Variants in MYH7 observed in about 807,000 individuals in gnomAD.
MYH7 encodes the protein myosin heavy chain 7, also known as myosin-7.
MYH7 carries 129 observed loss-of-function variants against 225.4 expected under a neutral mutation model. The ratio of observed to expected loss-of-function variants is 0.57; its 90% CI spans 0.50 to 0.66. The LOEUF is 0.66. Ranked by LOEUF, MYH7 falls within the 30% of genes least tolerant of loss-of-function variation. The pLI is 0.00. For missense variants in MYH7, 1,649 were observed against 2,517.0 expected (o/e 0.66, Z 7.38); for synonymous variants, 971 against 1,007.6 (o/e 0.96, Z 0.69).
In MYH7 at chr14:23,429,896, C is replaced by G. The variant is rs1892858173; in HGVS notation, c.1017G>C (p.Leu339=). ...LMATDNAFDV[L]GFTSEEKNSM... ...AGTTTTTCTCCTCTGAAGTGAAGCC[C>G]AGCACATCAAAAGCGTTCTGTAGGG... Residue 339 remains leucine (L), a synonymous_variant, in exon 12 of 40, where the codon CTG becomes CTC. Coordinates refer to ENST00000355349, the MANE Select transcript of MYH7 (RefSeq NM_000257.4). 1.2e-6 allele frequency: 2 copies of G among 1,613,878 alleles called. No homozygotes were observed. Among genetic ancestry groups the G allele is most frequent in the Non-Finnish European group, 1.7e-6 (2 of 1,180,010 alleles).
intron 8 of MYH7, 34 bp downstream of exon 8, chr14:23,431,551 C>A: frequency 6.2e-7 from 1 of 1,614,108 alleles, no homozygotes; most frequent in East Asian, 2.2e-5. Flanking sequence ...CTCCACCAGT[C>A]CAAGTCCCAA....
chr14:23,426,512 G>A lies in MYH7; in HGVS notation c.2044+265C>T, dbSNP rs116627288. Among the ~76,000 whole-genome samples, 928 of 152,348 alleles carry A rather than the reference G, an allele frequency of 6.1e-3. 6 individuals are homozygous for A. Among genetic ancestry groups the A allele is most frequent in the Middle Eastern group, 0.017 (5 of 294 alleles). On this transcript the variant is annotated intron_variant, in intron 18 of 39. Transcript: ENST00000355349. Reference sequence around the variant, plus strand: ...AAATTTAAAGTTGAACTAAGATTCTGTCTTGGACAACCAGCTATCCAAGGG... The same window carrying A: ...AAATTTAAAGTTGAACTAAGATTCTATCTTGGACAACCAGCTATCCAAGGG...
chr14:23,427,140 G>A, intron 17 of MYH7, 100 bp downstream of exon 17: 4 of 1,192,494 alleles, frequency 3.4e-6, no homozygotes, highest in Non-Finnish European at 5.0e-6. Context: ...AAGGAGACAG[G>A]GAACGGGAGG....
Position 23,425,561 on chromosome 14 carries a change from G to T in MYH7, c.2286+134C>A. 1 of 1,574,252 alleles carries T rather than the reference G, an allele frequency of 6.4e-7. No homozygotes were observed. Among genetic ancestry groups the T allele is most frequent in the Non-Finnish European group, 8.7e-7 (1 of 1,153,516 alleles). On this transcript the variant is annotated intron_variant, in intron 20 of 39. Transcript: ENST00000355349. This position sits in a 1 kb window ranked among gnomAD's most constrained non-coding sequence, Gnocchi z 4.6. ...CAGCTGGAGCTGGGATGAGGGGAGTGGTGCTAGATGTTCCACTGGGAGGGG... is the reference window on the plus strand; with the variant it reads ...CAGCTGGAGCTGGGATGAGGGGAGTTGTGCTAGATGTTCCACTGGGAGGGG...
Position 23,425,262 on chromosome 14 carries a change from C to T in MYH7, c.2423+20G>A, listed in dbSNP as rs1892647741. Reference sequence around the variant, plus strand: ...CCTGGGCCTCAGAGAAGCGGGAAACCTCCTCTTGAGATCTCTCACCTACGT... The same window carrying T: ...CCTGGGCCTCAGAGAAGCGGGAAACTTCCTCTTGAGATCTCTCACCTACGT... On this transcript the variant is annotated intron_variant, in intron 21 of 39. Transcript: ENST00000355349. This position sits in a 1 kb window ranked among gnomAD's most constrained non-coding sequence, Gnocchi z 4.6. 6 of 1,614,176 alleles carry T rather than the reference C, an allele frequency of 3.7e-6. No homozygotes were observed. Among genetic ancestry groups the T allele is most frequent in the Non-Finnish European group, 5.1e-6 (6 of 1,180,038 alleles).
intron 2 of MYH7, 79 bp downstream of exon 2, chr14:23,434,115 A>C: frequency 3.3e-6 from 3 of 902,306 alleles, no homozygotes; most frequent in Non-Finnish European, 4.2e-6. Flanking sequence ...GGCAGAAACT[A>C]GAGTTCCATA....
At position 23,430,902 on chromosome 14, in the gene MYH7, C is replaced by T. The variant is rs147062651; in HGVS notation, c.894G>A (p.Leu298=). The T allele has an allele frequency of 6.2e-6, 10 of 1,611,130 alleles. No homozygotes were observed. The African/African-American group carries it at 1.3e-4, about 22-fold the overall frequency. The part of the protein sequence containing the change: ...QILSNKKPEL[L]DMLLITNNPY... The stretch of plus-strand genomic sequence containing the variant: ...TCTCAGTCGGTGGCTCTGACTCACC[C>T]AGCAGCTCAGGCTTTTTGTTAGACA... The change falls in exon 10 of 40, where the codon CTG becomes CTA. Residue 298 remains leucine (L), a splice_region_variant and synonymous_variant. Coordinates refer to ENST00000355349, the MANE Select transcript of MYH7 (RefSeq NM_000257.4).
Position 23,427,872 on chromosome 14 carries a change from A to G in MYH7, c.1601T>C (p.Leu534Pro), listed in dbSNP as rs778623838. The change falls in exon 16 of 40, where the codon CTG (leucine) becomes CCG (proline). Residue 534 changes from leucine (L) to proline (P), a missense_variant. By Grantham distance (98) the Leu-to-Pro change is moderately conservative. Around this residue, in one of 12 missense-constraint regions of MYH7, gnomAD observed 76 missense variants for 233.8 expected, o/e 0.33. Transcript: ENST00000355349. ...CTTGGGGAACATGCACTCCTCTTCC[A>G]GGATGGACATGATGCCCATGGGCTG... ...IEKPMGIMSI[L>P]EEECMFPKAT... is the part of the protein sequence containing the mutation. 1.2e-6 allele frequency: 2 copies of G among 1,614,166 alleles called. No homozygotes were observed. Among genetic ancestry groups the G allele is most frequent in the South Asian group, 2.2e-5 (2 of 91,080 alleles).
intron 30 of MYH7, 162 bp from the exon 31 acceptor site, chr14:23,417,848 TC>T: frequency 9.2e-7 from 1 of 1,082,888 alleles, no homozygotes; most frequent in Non-Finnish European, 1.4e-6. Context: ...AGGCAGAGGA[TC>T]CCAGCAGGGC....
In MYH7 at chr14:23,412,768, G is replaced by C; in HGVS notation, c.*86C>G. On this transcript the variant is annotated 3_prime_UTR_variant, in exon 40 of 40. Coordinates refer to ENST00000355349, the MANE Select transcript of MYH7 (RefSeq NM_000257.4). ...GCTTCAAGGAAAATTGCTTTATTCT[G>C]CTTCCTCCCAAGGAGCTGTTACACA... is the stretch of plus-strand genomic sequence containing the variant. The C allele has an allele frequency of 2.6e-6, 4 of 1,513,890 alleles. No homozygotes were observed. Among genetic ancestry groups the C allele is most frequent in the Non-Finnish European group, 3.7e-6 (4 of 1,090,480 alleles). The allele number at this position is 1,513,890 out of a possible 1,614,324, so 93.8% of individuals were successfully genotyped here. A position where few individuals can be genotyped will look rare whatever the true frequency, so the allele number is the denominator to read the frequency against.
At chr14:23,413,922 G>A (rs577825712) in intron 38 of MYH7, 29 bp from the exon 39 acceptor site, 4 of 1,614,192 alleles carry the variant, frequency 2.5e-6, no homozygotes, top group Non-Finnish European at 1.7e-6. Context: ...TGAGGTGAGA[G>A]GGGGCCTGGG....
chr14:23,435,365 CA>C (rs1555339013), intron 1 of MYH7, among the ~76,000 whole-genome samples: 1 of 16,808 alleles, frequency 5.9e-5, no homozygotes. Flanking sequence ...CAGGCTTGTC[CA>C]CACACACACA....
rs144291282 is a variant in MYH7 at position 23,424,895 on chromosome 14, G to T, written c.2553C>A (p.Ser851=). 1.3e-4 allele frequency: 214 copies of T among 1,614,196 alleles called. 1 individual carries two copies. In the African/African-American group the frequency reaches 2.6e-3, roughly 19 times the overall value. ...KSAEREKEMA[S]MKEEFTRLKE... ...TGAGGCGTGTGAACTCCTCCTTCAT[G>T]GAGGCCATCTCCTTCTCTCTTTCTG... The change falls in exon 22 of 40, where the codon TCC becomes TCA. Residue 851 remains serine (S), a synonymous_variant. Coordinates refer to ENST00000355349, the MANE Select transcript of MYH7 (RefSeq NM_000257.4).
chr14:23,432,621 C>G lies in MYH7; in HGVS notation c.502+18G>C, dbSNP rs912964540. 1.2e-6 allele frequency: 2 copies of G among 1,614,002 alleles called. No homozygotes were observed. The highest frequency in any genetic ancestry group is 1.7e-6 in the Non-Finnish European group (2 of 1,180,032). On this transcript the variant is annotated intron_variant, in intron 5 of 39. Transcript: ENST00000355349. ...CTATCCCAGTTCCCTTCAGGAAGAC[C>G]CTTCCAGGGCCTCTCACCTGTCAGC...
chr14:23,423,432 C>G (rs1359145593), intron 24 of MYH7, 115 bp downstream of exon 24: 14 of 1,319,038 alleles, frequency 1.1e-5, no homozygotes, highest in Middle Eastern at 1.9e-4. Context: ...TAAACATAAA[C>G]ACAAACACAC....
chr14:23,420,424 A>G (rs1029815800), intron 26 of MYH7, among the ~76,000 whole-genome samples, 190 bp from the exon 27 acceptor site: 3 of 152,228 alleles, frequency 2.0e-5, no homozygotes, highest in African/African-American at 7.2e-5. Flanking sequence ...GACAGTCTAC[A>G]TGCTCTTTAT....
chr14:23,429,944 A>G (rs773918262), intron 11 of MYH7, 31 bp from the exon 12 acceptor site: 9 of 1,613,106 alleles, frequency 5.6e-6, no homozygotes, highest in South Asian at 1.1e-5. Flanking sequence ...GGCGGACCCC[A>G]GAAAAAGAAG....
intron 2 of MYH7, 21 bp downstream of exon 2, chr14:23,434,173 T>G: frequency 9.4e-7 from 1 of 1,065,396 alleles, no homozygotes; most frequent in Non-Finnish European, 1.1e-6. Context: ...TTTTCAACAC[T>G]CTAGCTTCAG....
Position 23,424,784 on chromosome 14 carries a change from C to A in MYH7, c.2664G>T (p.Gln888His), listed in dbSNP as rs372875657. Reference protein sequence around the residue: ...VSLLQEKNDLQLQVQAEQDNL... With the variant: ...VSLLQEKNDLHLQVQAEQDNL... The stretch of plus-strand genomic sequence containing the variant: ...GGAGCCTCACCGCCTGCACTTGGAG[C>A]TGCAGGTCATTCTTCTCCTGCAGCA... Residue 888 changes from glutamine to histidine, a missense_variant, in exon 22 of 40, where the codon CAG becomes CAT. Physicochemically the swap from Gln to His is conservative, Grantham distance 24. This residue lies in a region of MYH7 where 282 missense variants were observed against 315.3 expected (regional missense o/e 0.89). Transcript: ENST00000355349. 6.2e-7 allele frequency: 1 copy of A among 1,614,188 alleles called. No individual in the cohort carries two copies. Among genetic ancestry groups the A allele is most frequent in the Non-Finnish European group, 8.5e-7 (1 of 1,180,042 alleles).
Sources: allele counts gnomAD v4.1 joint callset (sites outside exome capture counted in the v4.1 genomes callset), GRCh38; gene constraint gnomAD v4.1.1; regional missense constraint gnomAD v4.1.1; non-coding constraint Gnocchi (gnomAD v3.1); transcripts MANE v1.5; gene names NCBI Gene and HGNC (gene_info 2026-07-23, HGNC 2026-07-21).